SLCO3A1: variants seen among roughly 807,000 people sequenced by gnomAD.
SLCO3A1 encodes the protein PGE1 transporter.
Under a neutral mutation model 63.1 loss-of-function variants are expected in SLCO3A1, and 27 were observed. That is an observed-to-expected ratio of 0.43 (90% CI 0.32 to 0.59). The LOEUF (loss-of-function observed/expected upper bound fraction) is 0.59. SLCO3A1 is among the 20% of genes least tolerant of loss of function. SLCO3A1 has a pLI of 0.09. For missense variants in SLCO3A1, 773 were observed against 945.8 expected, an observed-to-expected ratio of 0.82 and a Z score of 2.40; for synonymous variants, 473 against 409.9, an observed-to-expected ratio of 1.15 and a Z score of -1.86.
intron 7 of SLCO3A1, among the ~76,000 whole-genome samples, chr15:92,146,176 G>A (rs1055878757): frequency 4.6e-5 from 7 of 152,126 alleles, no homozygotes; most frequent in South Asian, 2.1e-4. Context: ...TAATTGGCTT[G>A]GCACCGGGCA....
chr15:92,018,939 G>A (rs896398675), intron 2 of SLCO3A1, among the ~76,000 whole-genome samples: 28 of 152,310 alleles, frequency 1.8e-4, no homozygotes, highest in African/African-American at 6.7e-4. Context: ...CCTGGGACAA[G>A]GTGCCATATG....
At chr15:92,060,570 G>A (rs1342001016) in intron 2 of SLCO3A1, among the ~76,000 whole-genome samples, 2 of 151,782 alleles carry the variant, frequency 1.3e-5, no homozygotes, top group African/African-American at 4.8e-5. Context: ...CGCAAGCTCG[G>A]CTCACTGCAA....
intron 4 of SLCO3A1, among the ~76,000 whole-genome samples, chr15:92,114,032 G>T (rs1370316279): frequency 2.0e-5 from 3 of 152,190 alleles, no homozygotes; most frequent in Non-Finnish European, 4.4e-5. Context: ...AATTGCACAT[G>T]AATGCCAGAA....
At chr15:91,877,453 G>T (rs1030999290) in intron 1 of SLCO3A1, among the ~76,000 whole-genome samples, 1 of 152,160 alleles carries the variant, frequency 6.6e-6, no homozygotes, top group Non-Finnish European at 1.5e-5. Context: ...ACAAGAAATC[G>T]CTATAAAGAC....
intron 2 of SLCO3A1, among the ~76,000 whole-genome samples, chr15:92,045,352 A>G (rs1403505077): frequency 6.6e-6 from 1 of 152,160 alleles, no homozygotes; most frequent in African/African-American, 2.4e-5. Context: ...ACAGAAAAGC[A>G]TACACAAGAG....
chr15:92,043,406 T>G (rs542422826), intron 2 of SLCO3A1, among the ~76,000 whole-genome samples: 10 of 152,328 alleles, frequency 6.6e-5, no homozygotes, highest in Middle Eastern at 3.4e-3. Context: ...TTGCTCTGCC[T>G]GTATAACCAG....
At chr15:92,120,394 G>A in intron 4 of SLCO3A1, 71 bp from the exon 5 acceptor site, 1 of 1,499,218 alleles carries the variant, frequency 6.7e-7, no homozygotes, top group Non-Finnish European at 9.2e-7. Context: ...GGCCTTAGGA[G>A]CAGGGAGCTA....
intron 2 of SLCO3A1, among the ~76,000 whole-genome samples, chr15:92,076,781 C>T (rs2047282714): frequency 6.6e-6 from 1 of 152,182 alleles, no homozygotes; most frequent in South Asian, 2.1e-4. Context: ...CACAGCCTGG[C>T]ATGGAGTCAG....
At chr15:92,147,570 G>T (rs964130520) in intron 8 of SLCO3A1, among the ~76,000 whole-genome samples, 7 of 152,172 alleles carry the variant, frequency 4.6e-5, no homozygotes, top group African/African-American at 1.7e-4. Flanking sequence ...GTAACTGGGG[G>T]TGATATGACC....
chr15:91,924,242 G>A (rs889051301), intron 2 of SLCO3A1, among the ~76,000 whole-genome samples: 4 of 152,214 alleles, frequency 2.6e-5, no homozygotes, highest in African/African-American at 4.8e-5. Flanking sequence ...TCCTTGCCTC[G>A]TCCTTCACCA....
At chr15:91,928,304 C>T (rs1042497883) in intron 2 of SLCO3A1, among the ~76,000 whole-genome samples, 1 of 152,162 alleles carries the variant, frequency 6.6e-6, no homozygotes. Flanking sequence ...TTTGCATATA[C>T]TCTCTCACTC....
At position 92,150,934 on chromosome 15, in the gene SLCO3A1, A is replaced by C. The variant is rs371077573; in HGVS notation, c.1689-16A>C. The stretch of plus-strand genomic sequence containing the variant: ...AAAATCTGGTTTTTTTTTTCTCTTC[A>C]TCTCTTTGCACGTAGGACAGTCAGC... On this transcript the variant is annotated splice_polypyrimidine_tract_variant and intron_variant, in intron 8 of 9. Coordinates refer to ENST00000318445, the MANE Select transcript of SLCO3A1 (RefSeq NM_013272.4). 6.3e-7 allele frequency: 1 copy of C among 1,589,764 alleles called. No homozygotes were observed.
In SLCO3A1 at chr15:91,880,166, C is replaced by CTATCT. The variant is rs1555446413; in HGVS notation, c.180+26078_180+26079insTATCT. 6.5e-3 allele frequency among the ~76,000 whole-genome samples: 856 copies of CTATCT among 132,438 alleles called. 8 individuals carry two copies. Among genetic ancestry groups the CTATCT allele is most frequent in the South Asian group, 0.017 (71 of 4,064 alleles). 86.9% of individuals were successfully genotyped at this position (132,438 alleles called of 152,430 possible). On this transcript the variant is annotated intron_variant, in intron 1 of 9. Transcript: ENST00000318445. ...CCATCCATCCATCCATCCATCCATC[C>CTATCT]ATCCATCTATCTATCTATCTATCTA... is the stretch of plus-strand genomic sequence containing the variant.
intron 2 of SLCO3A1, among the ~76,000 whole-genome samples, chr15:91,939,842 G>A (rs1015271054): frequency 1.3e-5 from 2 of 152,236 alleles, no homozygotes; most frequent in East Asian, 1.9e-4. Context: ...ATGCCAGCCC[G>A]CTGCTGATGT....
In SLCO3A1 at chr15:92,058,847, T is replaced by C. The variant is rs573799381; in HGVS notation, c.647-36034T>C. On this transcript the variant is annotated intron_variant, in intron 2 of 9. Coordinates refer to ENST00000318445, the MANE Select transcript of SLCO3A1 (RefSeq NM_013272.4). ...GGTGGTTGCTGGCAATGCGAGGTGT[T>C]ATTTGGCTTAGAGACACGTCCCTTC... 7.2e-5 allele frequency among the ~76,000 whole-genome samples: 11 copies of C among 152,270 alleles called. 1 individual carries two copies. In the South Asian group the frequency reaches 2.3e-3, roughly 32 times the overall value.
rs1319126483 is a variant in SLCO3A1, at chr15:92,152,850, G to GGGAAGGTAAGAGCCCACCCTCC, written c.1753+1837_1753+1858dup. 2.6e-5 allele frequency among the ~76,000 whole-genome samples: 4 copies of GGGAAGGTAAGAGCCCACCCTCC among 152,206 alleles called. No individual in the cohort carries two copies. The East Asian group carries it at 7.7e-4, about 29-fold the overall frequency. On this transcript the variant is annotated intron_variant, in intron 9 of 9. Coordinates refer to ENST00000318445, the MANE Select transcript of SLCO3A1 (RefSeq NM_013272.4). ...ATTACGAGTCCTCTGGGGCTGGCCA[G>GGGAAGGTAAGAGCCCACCCTCC]GGAAGGTAAGAGCCCACCCTCCTCA...
intron 1 of SLCO3A1, among the ~76,000 whole-genome samples, chr15:91,858,642 C>T (rs1203441450): frequency 6.6e-6 from 1 of 152,238 alleles, no homozygotes; most frequent in Non-Finnish European, 1.5e-5. Flanking sequence ...TGCAGTGGCA[C>T]CGCCTTGCTA....
chr15:91,984,432 C>A (rs758478406), intron 2 of SLCO3A1, among the ~76,000 whole-genome samples: 18 of 152,132 alleles, frequency 1.2e-4, no homozygotes, highest in Non-Finnish European at 2.5e-4. Flanking sequence ...ACCCTTGAAC[C>A]TTTTTCCTGA....
At chr15:91,991,836 C>G (rs2046129760) in intron 2 of SLCO3A1, among the ~76,000 whole-genome samples, 1 of 152,182 alleles carries the variant, frequency 6.6e-6, no homozygotes, top group Admixed American at 6.5e-5. Context: ...ATTACATGCA[C>G]ATATAATGAA....
Sources: allele counts gnomAD v4.1 joint callset (sites outside exome capture counted in the v4.1 genomes callset), GRCh38; gene constraint gnomAD v4.1.1; transcripts MANE v1.5; gene names NCBI Gene and HGNC (gene_info 2026-07-23, HGNC 2026-07-21).